The following LRRK1 variants were observed in gnomAD, a reference collection of about 807,000 sequenced individuals.
LRRK1 encodes leucine rich repeat kinase 1.
LRRK1 carries 113 observed loss-of-function variants against 209.1 expected under a neutral mutation model. The observed-to-expected ratio is 0.54, with a 90% CI of 0.46 to 0.63. The LOEUF is 0.63. LRRK1 is among the 30% of genes least tolerant of loss of function. The pLI, the probability that LRRK1 is intolerant of heterozygous loss-of-function variation, is 0.00. For synonymous variants in LRRK1, 1,144 were observed against 1,099.7 expected (o/e 1.04, Z -0.80); for missense variants, 2,284 against 2,632.2 (o/e 0.87, Z 2.89).
chr15:101,042,018 A>G (rs1000965356), intron 20 of LRRK1, among the ~76,000 whole-genome samples: 1 of 152,254 alleles, frequency 6.6e-6, no homozygotes, highest in Non-Finnish European at 1.5e-5. Context: ...GGACTACAAT[A>G]TATGTAATGA....
At chr15:100,970,444 A>G (rs934690754) in intron 2 of LRRK1, among the ~76,000 whole-genome samples, 3 of 152,194 alleles carry the variant, frequency 2.0e-5, no homozygotes, top group Non-Finnish European at 4.4e-5. Context: ...TCAAAAATCA[A>G]TTGAATGTAC....
intron 2 of LRRK1, among the ~76,000 whole-genome samples, chr15:100,963,391 C>T (rs1023649611): frequency 2.0e-5 from 3 of 152,352 alleles, no homozygotes; most frequent in South Asian, 2.1e-4. Flanking sequence ...TCGTTGCCAG[C>T]GCTGTTGTTC....
Position 101,051,760 on chromosome 15 carries a change from G to T in LRRK1, c.3489G>T (p.Val1163=). 6.2e-7 allele frequency: 1 copy of T among 1,613,986 alleles called. No individual in the cohort carries two copies. Among genetic ancestry groups the T allele is most frequent in the Non-Finnish European group, 8.5e-7 (1 of 1,180,020 alleles). ...SDGTPLMEQY[V]PCPVCETAWA... ...GGACGCCACTCATGGAGCAGTACGT[G>T]CCCTGCCCGGTCTGCGAGACAGCCT... Residue 1163 remains valine, a synonymous_variant, in exon 24 of 34, where the codon GTG becomes GTT. Coordinates refer to ENST00000388948, the MANE Select transcript of LRRK1 (RefSeq NM_024652.6).
At chr15:101,059,740 A>G (rs1466719936) in intron 29 of LRRK1, among the ~76,000 whole-genome samples, 2 of 152,208 alleles carry the variant, frequency 1.3e-5, no homozygotes, top group Non-Finnish European at 2.9e-5. Flanking sequence ...AGGCCTAAAA[A>G]CAAGGACCAA....
chr15:101,011,598 G>GTT (rs896585306), intron 9 of LRRK1, among the ~76,000 whole-genome samples: 1 of 151,888 alleles, frequency 6.6e-6, no homozygotes, highest in African/African-American at 2.4e-5. Flanking sequence ...GTGTGTGTGT[G>GTT]TGTGCATGTG....
chr15:101,034,322 C>T (rs1487822662), intron 20 of LRRK1, among the ~76,000 whole-genome samples: 1 of 152,040 alleles, frequency 6.6e-6, no homozygotes, highest in African/African-American at 2.4e-5. Flanking sequence ...AGCCATAAAA[C>T]CTTTGCCTAG....
chr15:101,053,377 G>A lies in LRRK1; in HGVS notation c.4011G>A (p.Ala1337=), dbSNP rs1167634233. Residue 1337 remains alanine, a synonymous_variant, in exon 26 of 34, where the codon GCG becomes GCA. Coordinates refer to ENST00000388948, the MANE Select transcript of LRRK1 (RefSeq NM_024652.6). The part of the protein sequence containing the change: ...IHPLCFALEL[A]PLSSLNTVLS... ...CGCTCTGCTTCGCCCTGGAGCTCGC[G>A]CCGCTCAGCAGCCTCAACACCGTGC... 1.1e-5 allele frequency: 18 copies of A among 1,600,358 alleles called. No individual in the cohort carries two copies. Among genetic ancestry groups the A allele is most frequent in the African/African-American group, 2.7e-5 (2 of 74,924 alleles).
chr15:100,921,750 T>A (rs931294856), intron 1 of LRRK1, among the ~76,000 whole-genome samples: 1 of 152,224 alleles, frequency 6.6e-6, no homozygotes, highest in Admixed American at 6.5e-5. Context: ...AGAGTCTTGC[T>A]CTGTCACCCA....
intron 2 of LRRK1, among the ~76,000 whole-genome samples, chr15:100,936,041 G>T (rs914352935): frequency 6.6e-6 from 1 of 152,180 alleles, no homozygotes; most frequent in Admixed American, 6.5e-5. Flanking sequence ...CAAGTCAAAG[G>T]CCAGTCCAGA....
intron 3 of LRRK1, among the ~76,000 whole-genome samples, chr15:100,976,168 C>G (rs1171420645): frequency 4.0e-5 from 6 of 150,452 alleles, no homozygotes; most frequent in African/African-American, 7.5e-5. Flanking sequence ...GGAAATAAAT[C>G]AATCATGTAA....
chr15:101,014,218 G>T, intron 10 of LRRK1, 98 bp from the exon 11 acceptor site: 1 of 823,522 alleles, frequency 1.2e-6, no homozygotes, highest in South Asian at 1.6e-5. Flanking sequence ...GGAATCGTTT[G>T]ACTGCGCGTG....
chr15:100,979,816 C>G (rs1156413354), intron 3 of LRRK1, among the ~76,000 whole-genome samples: 1 of 152,040 alleles, frequency 6.6e-6, no homozygotes, highest in Non-Finnish European at 1.5e-5. Flanking sequence ...GGCAAATAAG[C>G]ACATGAAAAG....
rs544705366 is a variant in LRRK1 at position 101,070,152 on chromosome 15, C to A, written c.*1304C>A. 1 of 152,154 alleles carries A rather than the reference C, an allele frequency of 6.6e-6. No homozygotes were observed. Among genetic ancestry groups the A allele is most frequent in the East Asian group, 1.9e-4 (1 of 5,194 alleles). 9.4% of individuals were successfully genotyped at this position (152,154 alleles called of 1,614,324 possible). ...CTTTTGAGCGCTTATGACCACAGCACGGGCTCAGTCCCTCCCAGACCCACT... is the reference window on the plus strand; with the variant it reads ...CTTTTGAGCGCTTATGACCACAGCAAGGGCTCAGTCCCTCCCAGACCCACT... On this transcript the variant is annotated 3_prime_UTR_variant, in exon 34 of 34. Coordinates refer to ENST00000388948, the MANE Select transcript of LRRK1 (RefSeq NM_024652.6).
chr15:100,925,966 G>T (rs745401049), intron 2 of LRRK1, among the ~76,000 whole-genome samples: 2 of 152,200 alleles, frequency 1.3e-5, no homozygotes, highest in African/African-American at 2.4e-5. Flanking sequence ...ACCCTTAACC[G>T]TGTTAACTAA....
intron 31 of LRRK1, 113 bp from the exon 32 acceptor site, chr15:101,065,238 TG>T (rs1460257759): frequency 2.4e-5 from 31 of 1,308,722 alleles, no homozygotes; most frequent in Non-Finnish European, 3.3e-5. Context: ...GGCGCACTGG[TG>T]GAAAGTGACT....
At position 100,978,230 on chromosome 15, in the gene LRRK1, A is replaced by G. The variant is rs118154434; in HGVS notation, c.261+4263A>G. ...CAAAAGAAAATAGACTGAACAAAAGAACAGAGCCTCATGGACATGTGAGGA... is the reference window on the plus strand; with the variant it reads ...CAAAAGAAAATAGACTGAACAAAAGGACAGAGCCTCATGGACATGTGAGGA... On this transcript the variant is annotated intron_variant, in intron 3 of 33. Coordinates refer to ENST00000388948, the MANE Select transcript of LRRK1 (RefSeq NM_024652.6). Among the ~76,000 whole-genome samples, 983 of 152,336 alleles carry G rather than the reference A, an allele frequency of 6.5e-3. 2 individuals carry two copies. Among genetic ancestry groups the G allele is most frequent in the Middle Eastern group, 0.02 (6 of 294 alleles).
intron 2 of LRRK1, among the ~76,000 whole-genome samples, chr15:100,943,632 A>G (rs978975937): frequency 3.3e-5 from 5 of 151,646 alleles, no homozygotes; most frequent in African/African-American, 9.7e-5. Context: ...TTTTTAAGCT[A>G]AAAATAAGTT....
chr15:101,012,954 C>G (rs1346313404), intron 10 of LRRK1, among the ~76,000 whole-genome samples: 1 of 152,118 alleles, frequency 6.6e-6, no homozygotes, highest in East Asian at 1.9e-4. Flanking sequence ...GGCCTTCAGG[C>G]CTTGTCCACA....
intron 2 of LRRK1, among the ~76,000 whole-genome samples, chr15:100,961,906 G>T (rs2029997032): frequency 6.6e-6 from 1 of 152,120 alleles, no homozygotes; most frequent in South Asian, 2.1e-4. Context: ...TCAATAAATG[G>T]CACCAATGAC....
Sources: gnomAD v4.1 joint callset for allele counts (sites outside exome capture counted in the v4.1 genomes callset) on GRCh38, gnomAD v4.1.1 for gene constraint, MANE v1.5 for transcripts, NCBI Gene and HGNC (gene_info 2026-07-23, HGNC 2026-07-21) for gene names.